Variants in ZNF624 observed in about 807,000 individuals in gnomAD.
ZNF624 encodes zinc finger protein 624.
In ZNF624, 43 loss-of-function variants were observed where a neutral mutation model predicts 74.7. The ratio of observed to expected loss-of-function variants is 0.58; its 90% CI spans 0.45 to 0.74. The LOEUF is 0.74. Among genes scored for constraint, ZNF624 ranks in the 30% least tolerant of loss-of-function variants. ZNF624 has a pLI of 0.00. For missense variants in ZNF624, 820 were observed against 1,030.0 expected, an observed-to-expected ratio of 0.80 and a Z score of 2.79; for synonymous variants, 331 against 341.3, an observed-to-expected ratio of 0.97 and a Z score of 0.33.
At chr17:16,618,363 A>G (rs565349849), downstream of ZNF624, among the ~76,000 whole-genome samples, 2 of 152,274 alleles carry the variant, frequency 1.3e-5, no homozygotes, top group South Asian at 4.1e-4. Flanking sequence ...AAGTATCTAT[A>G]TAAATGAAAT....
rs1043272933 is a variant in ZNF624, at chr17:16,621,245, C to T, written c.*1043G>A. ...AGTCGTTTTTAAAATTACTCTCACA[C>T]TGTTCCATAATATGGGTATGTCACA... On this transcript the variant is annotated 3_prime_UTR_variant, in exon 6 of 6. Transcript: ENST00000311331. The T allele has an allele frequency of 6.6e-6, 1 of 152,260 alleles. No individual in the cohort carries two copies. Among genetic ancestry groups the T allele is most frequent in the Non-Finnish European group, 1.5e-5 (1 of 68,040 alleles). 9.4% of individuals were successfully genotyped at this position (152,260 alleles called of 1,614,324 possible). A position where few individuals can be genotyped will look rare whatever the true frequency, so the allele number is the denominator to read the frequency against.
chr17:16,643,440 T>C (rs1489743291), intron 3 of ZNF624, among the ~76,000 whole-genome samples: 2 of 152,214 alleles, frequency 1.3e-5, no homozygotes, highest in African/African-American at 4.8e-5. Flanking sequence ...CAACATATTA[T>C]ATCATTTCAT....
At chr17:16,636,464 G>A (rs1247835674) in intron 3 of ZNF624, among the ~76,000 whole-genome samples, 1 of 152,092 alleles carries the variant, frequency 6.6e-6, no homozygotes, top group Non-Finnish European at 1.5e-5. Context: ...TAAAAGAAAG[G>A]CCTCAGTTAG....
At chr17:16,633,555 T>A (rs1909253367) in intron 5 of ZNF624, among the ~76,000 whole-genome samples, 1 of 152,036 alleles carries the variant, frequency 6.6e-6, no homozygotes. Context: ...TGAAGTTAAC[T>A]GGAGAAGACA....
At chr17:16,632,465 C>A (rs2032683182) in intron 5 of ZNF624, among the ~76,000 whole-genome samples, 2 of 152,148 alleles carry the variant, frequency 1.3e-5, no homozygotes, top group African/African-American at 4.8e-5. Context: ...ATTTCTCTTT[C>A]CCTCTTCGTA....
At chr17:16,638,497 T>C (rs1487464079) in intron 3 of ZNF624, among the ~76,000 whole-genome samples, 1 of 151,938 alleles carries the variant, frequency 6.6e-6, no homozygotes, top group Non-Finnish European at 1.5e-5. Context: ...ATTAAGAAAA[T>C]GTGGCACATA....
At chr17:16,641,485 T>A (rs1909466046) in intron 3 of ZNF624, among the ~76,000 whole-genome samples, 1 of 152,202 alleles carries the variant, frequency 6.6e-6, no homozygotes, top group South Asian at 2.1e-4. Context: ...GGTTTCACCA[T>A]GTTGGCCAGG....
chr17:16,632,767 G>T (rs1909236033), intron 5 of ZNF624, among the ~76,000 whole-genome samples: 1 of 152,116 alleles, frequency 6.6e-6, no homozygotes, highest in South Asian at 2.1e-4. Flanking sequence ...TATAAACAGG[G>T]TTATTTTCTA....
chr17:16,614,534 C>T, the ZNF624 span, among the ~76,000 whole-genome samples: 1 of 152,090 alleles, frequency 6.6e-6, no homozygotes, highest in Non-Finnish European at 1.5e-5. Context: ...GACTACATAG[C>T]TAAAAATTTT....
intron 3 of ZNF624, among the ~76,000 whole-genome samples, chr17:16,641,719 A>G (rs1222174633): frequency 6.6e-6 from 1 of 152,254 alleles, no homozygotes; most frequent in Non-Finnish European, 1.5e-5. Flanking sequence ...CTCTCTATAC[A>G]GTTAATGTTA....
At chr17:16,625,862 G>T (rs1597491400) in intron 5 of ZNF624, among the ~76,000 whole-genome samples, 1 of 151,314 alleles carries the variant, frequency 6.6e-6, no homozygotes, top group African/African-American at 2.4e-5. Context: ...TTTAAAACTT[G>T]TAATTCATTT....
intron 5 of ZNF624, among the ~76,000 whole-genome samples, chr17:16,630,501 G>T (rs2142592208): frequency 6.6e-6 from 1 of 152,244 alleles, no homozygotes; most frequent in Non-Finnish European, 1.5e-5. Context: ...AGTTTGCAGT[G>T]AGCCGAGATC....
chr17:16,617,930 C>T (rs891809992), downstream of ZNF624: 2 of 1,227,982 alleles, frequency 1.6e-6, no homozygotes, highest in African/African-American at 3.0e-5. Context: ...CGGCGGACCG[C>T]AAGCCAGTAG....
At chr17:16,641,119 A>G (rs927050690) in intron 3 of ZNF624, among the ~76,000 whole-genome samples, 2 of 152,202 alleles carry the variant, frequency 1.3e-5, no homozygotes, top group Non-Finnish European at 2.9e-5. Flanking sequence ...ATTTGACAAA[A>G]TTCAACAAAC....
At chr17:16,626,577 A>AC (rs1285686348) in intron 5 of ZNF624, among the ~76,000 whole-genome samples, 1 of 151,874 alleles carries the variant, frequency 6.6e-6, no homozygotes, top group Non-Finnish European at 1.5e-5. Context: ...ACACAGTGAG[A>AC]CCCCATCTCT....
chr17:16,623,839 T>C lies in ZNF624; in HGVS notation c.1047A>G (p.Val349=), dbSNP rs753775942. ...KAFIASSSLM[V]HQRIHTKEKP... ...TCTCTTTAGTGTGAATTCTCTGATG[T>C]ACCATAAGTGATGAAGAAGCAATGA... The change falls in exon 6 of 6, where the codon GTA becomes GTG. Residue 349 remains valine (V), a synonymous_variant. Transcript: ENST00000311331. The surrounding 1 kb of genome is among the most constrained non-coding windows in gnomAD (Gnocchi z 5.3). 3.7e-6 allele frequency: 6 copies of C among 1,613,956 alleles called. No individual in the cohort carries two copies. The highest frequency in any genetic ancestry group is 2.5e-6 in the Non-Finnish European group (3 of 1,179,984).
chr17:16,615,837 C>G (rs1243685776), downstream of ZNF624, among the ~76,000 whole-genome samples: 1 of 151,650 alleles, frequency 6.6e-6, no homozygotes, highest in Non-Finnish European at 1.5e-5. Context: ...GTAAAACTGA[C>G]TTTACCACAG....
chr17:16,634,801 C>T, intron 3 of ZNF624, 45 bp from the exon 4 acceptor site: 1 of 1,565,054 alleles, frequency 6.4e-7, no homozygotes, highest in Non-Finnish European at 8.6e-7. Flanking sequence ...TACAATTAGA[C>T]TTGTTAGGCA....
downstream of ZNF624, chr17:16,616,755 C>T (rs2142555062): frequency 9.5e-6 from 7 of 738,238 alleles, no homozygotes; most frequent in Non-Finnish European, 1.4e-5. Context: ...AGAGATTCCT[C>T]TTGCAGAAGA....
Sources: gnomAD v4.1 joint callset for allele counts (sites outside exome capture counted in the v4.1 genomes callset) on GRCh38, gnomAD v4.1.1 for gene constraint, Gnocchi (gnomAD v3.1) non-coding constraint, MANE v1.5 for transcripts, NCBI Gene and HGNC (gene_info 2026-07-23, HGNC 2026-07-21) for gene names.